Variants in CWF19L2 observed in about 807,000 individuals in gnomAD.
The protein encoded by CWF19L2 is CWF19 like cell cycle control factor 2.
In CWF19L2, 98 loss-of-function variants were observed where a neutral mutation model predicts 111.7. The observed-to-expected ratio is 0.88, with a 90% CI of 0.75 to 1.04. The LOEUF (loss-of-function observed/expected upper bound fraction) is 1.04. Ranked by LOEUF, CWF19L2 falls within the 50% of genes least tolerant of loss-of-function variation. The probability of loss-of-function intolerance (pLI) is 0.00; values close to 1 mark genes in which losing one functional copy is unlikely to be tolerated. For synonymous variants in CWF19L2, 351 were observed against 342.9 expected, an observed-to-expected ratio of 1.02 and a Z score of -0.26; for missense variants, 1,101 against 1,051.4, an observed-to-expected ratio of 1.05 and a Z score of -0.65.
At chr11:107,393,044 T>C (rs1591180601) in intron 10 of CWF19L2, 149 bp from the exon 11 acceptor site, 2 of 492,830 alleles carry the variant, frequency 4.1e-6, no homozygotes, top group East Asian at 3.6e-5. Context: ...TTACTCTCTA[T>C]ACTATAAAAT....
Position 107,326,901 on chromosome 11 carries a change from A to T in CWF19L2, c.*9T>A. ...ATCTGAAGAAAAATTTTAAAATGGA[A>T]GGTACACCTCAATAGTTTTTACTTT... On this transcript the variant is annotated 3_prime_UTR_variant, in exon 18 of 18. Transcript: ENST00000282251. 1 of 1,572,656 alleles carries T rather than the reference A, an allele frequency of 6.4e-7. No homozygotes were observed. Among genetic ancestry groups the T allele is most frequent in the South Asian group, 1.2e-5 (1 of 84,394 alleles).
chr11:107,334,911 T>A lies in CWF19L2; in HGVS notation c.2409A>T (p.Ile803=). 1 of 1,606,850 alleles carries A rather than the reference T, an allele frequency of 6.2e-7. No individual in the cohort carries two copies. Among genetic ancestry groups the A allele is most frequent in the Non-Finnish European group, 8.5e-7 (1 of 1,173,870 alleles). ...DEEWSMNKKL[I]DLSSKDIRKS... is the part of the protein sequence containing the mutation. ...TTCTGATATCTTTTGAAGAGAGATC[T>A]ATCAACTTCTTGTTCATGGACCACT... The change falls in exon 16 of 18, where the codon ATA becomes ATT. Residue 803 remains isoleucine, a synonymous_variant. Coordinates refer to ENST00000282251, the MANE Select transcript of CWF19L2 (RefSeq NM_152434.3).
intron 9 of CWF19L2, among the ~76,000 whole-genome samples, chr11:107,417,503 T>A (rs1374639217): frequency 6.6e-6 from 1 of 152,214 alleles, no homozygotes; most frequent in African/African-American, 2.4e-5. Flanking sequence ...ATCCTCCTTT[T>A]TAGGTTCCTA....
chr11:107,362,044 AGTCAAAGAAAGGG>A (rs961672596), intron 12 of CWF19L2, among the ~76,000 whole-genome samples: 28 of 152,234 alleles, frequency 1.8e-4, no homozygotes, highest in Middle Eastern at 3.4e-3. Flanking sequence ...TCCCTTTCTG[AGTCAAAGAAAGGG>A]GTGACGGACG....
At chr11:107,367,524 G>C (rs1299009931) in intron 12 of CWF19L2, among the ~76,000 whole-genome samples, 1 of 131,310 alleles carries the variant, frequency 7.6e-6, no homozygotes, top group Non-Finnish European at 1.6e-5. Flanking sequence ...CATGTCCTTT[G>C]TAGGGACATG....
intron 10 of CWF19L2, among the ~76,000 whole-genome samples, chr11:107,397,267 G>C (rs1389612773): frequency 1.3e-5 from 2 of 152,098 alleles, no homozygotes; most frequent in Non-Finnish European, 2.9e-5. Flanking sequence ...ATATCCTCAG[G>C]TATGTTTTCA....
At chr11:107,449,162 C>T (rs981563244) in intron 3 of CWF19L2, among the ~76,000 whole-genome samples, 1 of 142,602 alleles carries the variant, frequency 7.0e-6, no homozygotes, top group Non-Finnish European at 1.5e-5. Context: ...AAAGAAAACA[C>T]TATAAACTTA....
intron 11 of CWF19L2, among the ~76,000 whole-genome samples, chr11:107,392,155 C>CA (rs1377749000): frequency 2.6e-5 from 4 of 151,976 alleles, no homozygotes; most frequent in Admixed American, 2.6e-4. Flanking sequence ...ACTCAACAGG[C>CA]AAAAAATAAA....
chr11:107,360,689 T>A (rs56346953), intron 12 of CWF19L2, among the ~76,000 whole-genome samples: 2,094 of 152,330 alleles, frequency 0.014, 43 homozygotes, highest in African/African-American at 0.047. Context: ...CTGGCTGGGG[T>A]ACGATAATAT....
intron 12 of CWF19L2, among the ~76,000 whole-genome samples, chr11:107,371,530 T>C (rs559380224): frequency 2.2e-5 from 3 of 138,016 alleles, no homozygotes; most frequent in East Asian, 4.2e-4. Context: ...TATTAAAACA[T>C]TGCTAGTTTT....
chr11:107,376,381 A>C (rs199622442), intron 12 of CWF19L2, among the ~76,000 whole-genome samples: 55,480 of 83,742 alleles, frequency 0.66, 22,031 homozygotes, highest in African/African-American at 0.83. Context: ...TACTGGCAAA[A>C]CGAATCCAGC....
At chr11:107,357,045 C>CAAA (rs139519172) in intron 12 of CWF19L2, among the ~76,000 whole-genome samples, 2 of 150,960 alleles carry the variant, frequency 1.3e-5, no homozygotes, top group African/African-American at 4.9e-5. Flanking sequence ...TCTCAAACAA[C>CAAA]AAAACAAAAA....
chr11:107,334,381 G>A (rs1859891376), intron 16 of CWF19L2, among the ~76,000 whole-genome samples: 1 of 152,074 alleles, frequency 6.6e-6, no homozygotes, highest in Non-Finnish European at 1.5e-5. Flanking sequence ...GTATGATTAG[G>A]CAAGTCTCCA....
chr11:107,436,901 C>T (rs1352092226), intron 6 of CWF19L2, among the ~76,000 whole-genome samples: 1 of 152,148 alleles, frequency 6.6e-6, no homozygotes, highest in East Asian at 1.9e-4. Context: ...CTGTCCTTTA[C>T]ATGGTTGCCA....
In CWF19L2 at chr11:107,350,964, G is replaced by C. The variant is rs554322267; in HGVS notation, c.2086-1911C>G. 8.5e-5 allele frequency among the ~76,000 whole-genome samples: 13 copies of C among 152,340 alleles called. No homozygotes were observed. In the South Asian group the frequency reaches 2.7e-3, roughly 32 times the overall value. ...GTGTGGCTAAGCTGAGATGATGAGA[G>C]GAAGGCTGACAGACAGTGAGGTGAC... On this transcript the variant is annotated intron_variant, in intron 13 of 17. Coordinates refer to ENST00000282251, the MANE Select transcript of CWF19L2 (RefSeq NM_152434.3).
rs116975671 is a variant in CWF19L2, at chr11:107,352,376, G to A, written c.2085+1148C>T. 4.9e-3 allele frequency among the ~76,000 whole-genome samples: 752 copies of A among 152,124 alleles called. 8 individuals are homozygous for A. Among genetic ancestry groups the A allele is most frequent in the Non-Finnish European group, 8.9e-3 (607 of 67,998 alleles). ...CTGTAAGCAACTTGAGGAGGTTTTAGGCATATTTATATTTCTAGTACCTAG... is the reference window on the plus strand; with the variant it reads ...CTGTAAGCAACTTGAGGAGGTTTTAAGCATATTTATATTTCTAGTACCTAG... On this transcript the variant is annotated intron_variant, in intron 13 of 17. Transcript: ENST00000282251.
chr11:107,427,406 C>A (rs1386473454), intron 8 of CWF19L2, among the ~76,000 whole-genome samples: 1 of 152,034 alleles, frequency 6.6e-6, no homozygotes, highest in Non-Finnish European at 1.5e-5. Context: ...TTAGTGAGTG[C>A]TGTCTTCAAA....
chr11:107,418,652 C>T (rs555693602), intron 8 of CWF19L2, among the ~76,000 whole-genome samples: 3 of 152,066 alleles, frequency 2.0e-5, no homozygotes, highest in African/African-American at 7.2e-5. Context: ...TCTTCTCATT[C>T]GACATAAGTT....
intron 8 of CWF19L2, among the ~76,000 whole-genome samples, chr11:107,426,460 T>C (rs1444917654): frequency 1.3e-5 from 2 of 151,920 alleles, no homozygotes; most frequent in African/African-American, 4.8e-5. Context: ...GTTCCACTCC[T>C]TGGAATTTAT....
Sources: gnomAD v4.1 joint callset for allele counts (sites outside exome capture counted in the v4.1 genomes callset) on GRCh38, gnomAD v4.1.1 for gene constraint, MANE v1.5 for transcripts, NCBI Gene and HGNC (gene_info 2026-07-23, HGNC 2026-07-21) for gene names.